The following SCAPER variants were observed in gnomAD, a reference collection of about 807,000 sequenced individuals.
The protein encoded by SCAPER is S phase cyclin A-associated protein in the endoplasmic reticulum.
A neutral mutation model predicts 182.2 loss-of-function variants in SCAPER; 98 were observed. The ratio of observed to expected loss-of-function variants is 0.54; its 90% CI spans 0.46 to 0.64. The LOEUF (loss-of-function observed/expected upper bound fraction) is 0.64, where lower values mean the gene tolerates loss of function less well. Among genes scored for constraint, SCAPER ranks in the 30% least tolerant of loss-of-function variants. The probability of loss-of-function intolerance (pLI) is 0.00; values close to 1 mark genes in which losing one functional copy is unlikely to be tolerated. For synonymous variants in SCAPER, 605 were observed against 564.6 expected (o/e 1.07, Z -1.01); for missense variants, 1,432 against 1,690.0 (o/e 0.85, Z 2.68).
At chr15:76,560,255 T>C (rs557037357) in intron 23 of SCAPER, among the ~76,000 whole-genome samples, 21 of 152,242 alleles carry the variant, frequency 1.4e-4, no homozygotes, top group South Asian at 1.2e-3. Flanking sequence ...AGTAATCCTA[T>C]CCTACTTTTC....
intron 15 of SCAPER, among the ~76,000 whole-genome samples, chr15:76,740,124 C>T (rs989266176): frequency 6.6e-6 from 1 of 152,194 alleles, no homozygotes; most frequent in Non-Finnish European, 1.5e-5. Context: ...TATGATCATG[C>T]CACTGCACTT....
In SCAPER at chr15:76,495,987, GAGAGAGAC is replaced by G. The variant is rs1323325458; in HGVS notation, c.2954+8864_2954+8871del. On this transcript the variant is annotated intron_variant, in intron 24 of 31. Coordinates refer to ENST00000563290, the MANE Select transcript of SCAPER (RefSeq NM_020843.4). The stretch of plus-strand genomic sequence containing the variant: ...AGGGAGAAAGAGAAAGAAAGCAAAA[GAGAGAGAC>G]ACACACACACACACACACACACACA... Among the ~76,000 whole-genome samples, 7 of 16,848 alleles carry G rather than the reference GAGAGAGAC, an allele frequency of 4.2e-4. 1 individual carries two copies. The highest frequency in any genetic ancestry group is 9.4e-4 in the African/African-American group (7 of 7,468). The allele number at this position is 16,848 out of a possible 152,430, so 11.1% of individuals were successfully genotyped here.
chr15:76,450,121 T>C (rs2048275403), intron 25 of SCAPER, among the ~76,000 whole-genome samples: 1 of 152,250 alleles, frequency 6.6e-6, no homozygotes, highest in African/African-American at 2.4e-5. Flanking sequence ...ACCCCTGTGC[T>C]ACACTGTATC....
chr15:76,639,496 C>A (rs2053924768), intron 21 of SCAPER, among the ~76,000 whole-genome samples: 1 of 152,192 alleles, frequency 6.6e-6, no homozygotes, highest in Admixed American at 6.5e-5. Context: ...ATAGCTATGA[C>A]TGGTATGAGA....
intron 1 of SCAPER, among the ~76,000 whole-genome samples, chr15:76,888,171 T>C (rs1040077380): frequency 1.7e-4 from 26 of 152,300 alleles, no homozygotes; most frequent in Non-Finnish European, 3.5e-4. Context: ...ACCTCATCTG[T>C]AGGTCACCAA....
intron 15 of SCAPER, among the ~76,000 whole-genome samples, chr15:76,751,508 T>C (rs1051008546): frequency 1.3e-5 from 2 of 151,768 alleles, no homozygotes; most frequent in East Asian, 1.9e-4. Context: ...GAAAACAGTA[T>C]AGTACTAGCA....
chr15:76,720,183 G>A (rs1021858393), intron 17 of SCAPER, among the ~76,000 whole-genome samples: 42 of 149,810 alleles, frequency 2.8e-4, no homozygotes, highest in African/African-American at 9.6e-4. Flanking sequence ...TGTGGTGTTC[G>A]GTTTTTTGTC....
At chr15:76,375,541 G>C (rs892832747) in intron 29 of SCAPER, among the ~76,000 whole-genome samples, 1 of 152,120 alleles carries the variant, frequency 6.6e-6, no homozygotes, top group Admixed American at 6.5e-5. Context: ...TAGAGCAGCA[G>C]ACTCCATGTG....
intron 27 of SCAPER, among the ~76,000 whole-genome samples, chr15:76,395,313 G>T (rs887103412): frequency 6.6e-6 from 1 of 152,206 alleles, no homozygotes; most frequent in Non-Finnish European, 1.5e-5. Flanking sequence ...AAACATGGGA[G>T]TGTGGATATC....
intron 23 of SCAPER, among the ~76,000 whole-genome samples, chr15:76,559,510 TA>T (rs1460993233): frequency 6.6e-6 from 1 of 152,208 alleles, no homozygotes; most frequent in African/African-American, 2.4e-5. Context: ...GTGAGTCGGT[TA>T]AACTCTTTCC....
At chr15:76,857,260 C>G (rs565157729) in intron 4 of SCAPER, among the ~76,000 whole-genome samples, 3 of 151,842 alleles carry the variant, frequency 2.0e-5, no homozygotes, top group Non-Finnish European at 4.4e-5. Context: ...TGGTGAAACC[C>G]CGTCTCTATT....
chr15:76,619,652 A>G (rs936435702), intron 22 of SCAPER, among the ~76,000 whole-genome samples: 1 of 152,062 alleles, frequency 6.6e-6, no homozygotes, highest in Admixed American at 6.5e-5. Context: ...GGTTAGTTAC[A>G]TATGTATACA....
rs2059033663 is a variant in SCAPER, at chr15:76,702,838, A to G, written c.2400+12T>C. Reference sequence around the variant, plus strand: ...TAAACTATATCATTACAATATTGATATAACAACCTACCAGGACATTGCAGA... The same window carrying G: ...TAAACTATATCATTACAATATTGATGTAACAACCTACCAGGACATTGCAGA... On this transcript the variant is annotated intron_variant, in intron 19 of 31. Coordinates refer to ENST00000563290, the MANE Select transcript of SCAPER (RefSeq NM_020843.4). The G allele has an allele frequency of 1.3e-6, 2 of 1,592,114 alleles. No homozygotes were observed. Among genetic ancestry groups the G allele is most frequent in the Admixed American group, 1.9e-5 (1 of 52,866 alleles).
intron 23 of SCAPER, among the ~76,000 whole-genome samples, chr15:76,510,880 T>C (rs2041969308): frequency 6.6e-6 from 1 of 151,964 alleles, no homozygotes; most frequent in African/African-American, 2.4e-5. Flanking sequence ...TGTGTGTGTG[T>C]GTGTGTGTGC....
intron 22 of SCAPER, among the ~76,000 whole-genome samples, chr15:76,584,865 A>C (rs2048520458): frequency 6.6e-6 from 1 of 152,192 alleles, no homozygotes; most frequent in Non-Finnish European, 1.5e-5. Context: ...AATTTAAATA[A>C]GAAAGTTCTA....
rs1485364491 is a variant in SCAPER, at chr15:76,597,556, C to T, written c.2712-23272G>A. Among the ~76,000 whole-genome samples, 3 of 121,194 alleles carry T rather than the reference C, an allele frequency of 2.5e-5. 1 individual carries two copies. The highest frequency in any genetic ancestry group is 1.9e-4 in the Admixed American group (2 of 10,662). 79.5% of individuals were successfully genotyped at this position (121,194 alleles called of 152,430 possible). On this transcript the variant is annotated intron_variant, in intron 22 of 31. Transcript: ENST00000563290. Reference sequence around the variant, plus strand: ...TCACACTACCTGACTTCAAACTATACAAGGCTACAGTAACCAAAACAGCAT... The same window carrying T: ...TCACACTACCTGACTTCAAACTATATAAGGCTACAGTAACCAAAACAGCAT...
At chr15:76,474,492 C>T (rs2050462631) in intron 24 of SCAPER, among the ~76,000 whole-genome samples, 1 of 152,154 alleles carries the variant, frequency 6.6e-6, no homozygotes. Flanking sequence ...GAGTAAGATA[C>T]TAGTTAGAAT....
At chr15:76,419,864 T>C (rs967794386) in intron 26 of SCAPER, among the ~76,000 whole-genome samples, 4 of 152,166 alleles carry the variant, frequency 2.6e-5, no homozygotes, top group Non-Finnish European at 1.5e-5. Flanking sequence ...ATATACTTCA[T>C]GAACACAGAT....
At position 76,867,623 on chromosome 15, in the gene SCAPER, C is replaced by T. The variant is rs796685275; in HGVS notation, c.7-5090G>A. Among the ~76,000 whole-genome samples, 78 of 152,306 alleles carry T rather than the reference C, an allele frequency of 5.1e-4. 1 individual carries two copies. The highest frequency in any genetic ancestry group is 1.8e-3 in the African/African-American group (73 of 41,568). ...GTTCTGGAGTCTCTGTTATAGCTCA[C>T]TAGCCTATACACTAAATGATATATC... is the stretch of plus-strand genomic sequence containing the variant. On this transcript the variant is annotated intron_variant, in intron 2 of 31. Coordinates refer to ENST00000563290, the MANE Select transcript of SCAPER (RefSeq NM_020843.4).
Sources: gnomAD v4.1 joint callset for allele counts (sites outside exome capture counted in the v4.1 genomes callset) on GRCh38, gnomAD v4.1.1 for gene constraint, MANE v1.5 for transcripts, NCBI Gene and HGNC (gene_info 2026-07-23, HGNC 2026-07-21) for gene names.